PRKCH: variants seen among roughly 807,000 people sequenced by gnomAD.
PRKCH encodes the protein protein kinase C eta, also known as protein kinase C eta type.
A neutral mutation model predicts 82.5 loss-of-function variants in PRKCH; 28 were observed. That is an observed-to-expected ratio of 0.34 (90% CI 0.25 to 0.47). PRKCH has a LOEUF of 0.47. Ranked by LOEUF, PRKCH falls within the 20% of genes least tolerant of loss-of-function variation. PRKCH has a pLI of 1.00. For synonymous variants in PRKCH, 322 were observed against 327.4 expected, an observed-to-expected ratio of 0.98 and a Z score of 0.18; for missense variants, 705 against 881.8, an observed-to-expected ratio of 0.80 and a Z score of 2.54.
chr14:61,275,859 A>G (rs1368266151), intron 1 of PRKCH, among the ~76,000 whole-genome samples: 1 of 152,222 alleles, frequency 6.6e-6, no homozygotes, highest in African/African-American at 2.4e-5. Context: ...GAACTCGGAC[A>G]GCAAAGTACA....
At chr14:61,501,300 A>G (rs1240352557) in intron 10 of PRKCH, among the ~76,000 whole-genome samples, 1 of 152,172 alleles carries the variant, frequency 6.6e-6, no homozygotes, top group Non-Finnish European at 1.5e-5. Flanking sequence ...TTGTTGAATA[A>G]ATTATGGTTA....
chr14:61,469,898 A>G (rs1330752964), intron 9 of PRKCH, among the ~76,000 whole-genome samples: 4 of 152,076 alleles, frequency 2.6e-5, no homozygotes, highest in Non-Finnish European at 5.9e-5. Flanking sequence ...TCAAGCCTTG[A>G]GGACGCAGCA....
At chr14:61,194,124 A>G (rs1289606150) in intron 1 of PRKCH, among the ~76,000 whole-genome samples, 3 of 151,886 alleles carry the variant, frequency 2.0e-5, no homozygotes, top group African/African-American at 4.8e-5. Context: ...CCTACTCTCT[A>G]TTTGCTTGTT....
chr14:61,230,597 C>A (rs1413470577), intron 1 of PRKCH, among the ~76,000 whole-genome samples: 1 of 152,148 alleles, frequency 6.6e-6, no homozygotes, highest in Non-Finnish European at 1.5e-5. Flanking sequence ...TTCAGATGTA[C>A]AAATCAAATG....
At chr14:61,347,689 C>G (rs774866404) in intron 1 of PRKCH, among the ~76,000 whole-genome samples, 3 of 152,186 alleles carry the variant, frequency 2.0e-5, no homozygotes, top group Non-Finnish European at 4.4e-5. Flanking sequence ...CTAATGATGC[C>G]TCTCTCTTTT....
In PRKCH at chr14:61,281,508, C is replaced by T. The variant is rs550964300; in HGVS notation, c.-19+93840C>T. On this transcript the variant is annotated intron_variant, in intron 1 of 3. Coordinates refer to the PRKCH transcript ENST00000555185. ...AGTCCAGGTCATCGGACTCCACCTC[C>T]TCTCCTAGGTGAGTGGCGGCCCCGG... 3.8e-4 allele frequency: 68 copies of T among 180,746 alleles called. 3 individuals are homozygous for T. In the East Asian group the frequency reaches 0.012, roughly 31 times the overall value. The allele number at this position is 180,746 out of a possible 1,614,324, so 11.2% of individuals were successfully genotyped here. A position where few individuals can be genotyped will look rare whatever the true frequency, so the allele number is the denominator to read the frequency against.
intron 12 of PRKCH, among the ~76,000 whole-genome samples, chr14:61,541,744 C>T (rs528911385): frequency 6.6e-6 from 1 of 152,270 alleles, no homozygotes; most frequent in South Asian, 2.1e-4. Context: ...TACTTGTGGC[C>T]ATTACTTATA....
At chr14:61,327,631 T>C (rs560748194) in intron 1 of PRKCH, among the ~76,000 whole-genome samples, 92 of 152,352 alleles carry the variant, frequency 6.0e-4, no homozygotes, top group Middle Eastern at 3.4e-3. Flanking sequence ...TATCTTGTTG[T>C]CTTTCGTTGC....
intron 1 of PRKCH, among the ~76,000 whole-genome samples, chr14:61,264,842 G>A (rs2045083150): frequency 6.6e-6 from 1 of 152,156 alleles, no homozygotes; most frequent in African/African-American, 2.4e-5. Flanking sequence ...GAATTCCTTA[G>A]ATTTTGGCTA....
chr14:61,232,312 G>A lies in PRKCH; in HGVS notation c.-19+44644G>A, dbSNP rs574772598. Among the ~76,000 whole-genome samples, 13 of 152,252 alleles carry A rather than the reference G, an allele frequency of 8.5e-5. No individual in the cohort carries two copies. The South Asian group carries it at 2.3e-3, about 27-fold the overall frequency. Reference sequence around the variant, plus strand: ...ATGATCTCGGCTCACTGCAACCTACGCCTCCTGAGTTCAAACAATTCTTGT... The same window carrying A: ...ATGATCTCGGCTCACTGCAACCTACACCTCCTGAGTTCAAACAATTCTTGT... On this transcript the variant is annotated intron_variant, in intron 1 of 3. Coordinates refer to the PRKCH transcript ENST00000555185.
intron 1 of PRKCH, 47 bp downstream of exon 1, chr14:61,322,511 C>A: frequency 6.5e-7 from 1 of 1,545,488 alleles, no homozygotes; most frequent in East Asian, 2.3e-5. Context: ...AACCCCCGTT[C>A]CCCTTATGTT....
Position 61,532,833 on chromosome 14 carries a change from T to G in PRKCH, c.1761+2238T>G, listed in dbSNP as rs1274002722. ...GTGGAGACTGAGTTGTTCTCTCTCC[T>G]TGCAGGTTCACTTTTGGGAAGCTAC... is the stretch of plus-strand genomic sequence containing the variant. On this transcript the variant is annotated intron_variant, in intron 12 of 13. Coordinates refer to ENST00000332981, the MANE Select transcript of PRKCH (RefSeq NM_006255.5). Among the ~76,000 whole-genome samples the G allele has an allele frequency of 5.9e-5, 9 of 152,368 alleles. No individual in the cohort carries two copies. The East Asian group carries it at 1.7e-3, about 29-fold the overall frequency.
intron 10 of PRKCH, among the ~76,000 whole-genome samples, chr14:61,505,232 G>C (rs1119016): frequency 0.9 from 136,509 of 152,014 alleles, 61,331 homozygotes; most frequent in East Asian, 0.95. Flanking sequence ...TTATTTCTCA[G>C]TGCTCTAAAG....
rs1439557693 is a variant in PRKCH, at chr14:61,482,960, C to A, written c.1279-2542C>A. Among the ~76,000 whole-genome samples the A allele has an allele frequency of 4.6e-5, 7 of 152,368 alleles. No homozygotes were observed. In the East Asian group the frequency reaches 1.3e-3, roughly 29 times the overall value. Reference sequence around the variant, plus strand: ...CACTTATAGCAGCCTAAGGAATGGCCACTTCCCCACTGACCCAGTTCCAGT... The same window carrying A: ...CACTTATAGCAGCCTAAGGAATGGCAACTTCCCCACTGACCCAGTTCCAGT... On this transcript the variant is annotated intron_variant, in intron 9 of 13. Transcript: ENST00000332981.
At chr14:61,302,268 A>G (rs2140104859) in intron 1 of PRKCH, among the ~76,000 whole-genome samples, 1 of 152,364 alleles carries the variant, frequency 6.6e-6, no homozygotes, top group Middle Eastern at 3.4e-3. Context: ...TAGGCTGTGA[A>G]GCATATAGCA....
At chr14:61,306,417 A>G (rs10873139) in intron 1 of PRKCH, 88,188 of 152,100 alleles carry the variant, frequency 0.58, 28,327 homozygotes, top group Non-Finnish European at 0.71. Flanking sequence ...CTAAACTTTT[A>G]TCTAGATTTC....
intron 1 of PRKCH, among the ~76,000 whole-genome samples, chr14:61,382,165 T>A (rs1384379154): frequency 6.6e-6 from 1 of 152,178 alleles, no homozygotes; most frequent in Non-Finnish European, 1.5e-5. Context: ...GCACAGTGGC[T>A]CACACCAGTA....
intron 1 of PRKCH, among the ~76,000 whole-genome samples, chr14:61,308,086 T>C (rs547498774): frequency 6.6e-6 from 1 of 152,314 alleles, no homozygotes; most frequent in African/African-American, 2.4e-5. Flanking sequence ...GTTATCCTCC[T>C]GCCTTGGTCT....
At chr14:61,471,138 A>G (rs1263588905) in intron 9 of PRKCH, among the ~76,000 whole-genome samples, 1 of 152,248 alleles carries the variant, frequency 6.6e-6, no homozygotes, top group Non-Finnish European at 1.5e-5. Flanking sequence ...CTGTCTATAG[A>G]AGGAGGCTAA....
Sources: allele counts gnomAD v4.1 joint callset (sites outside exome capture counted in the v4.1 genomes callset), GRCh38; gene constraint gnomAD v4.1.1; transcripts MANE v1.5; gene names NCBI Gene and HGNC (gene_info 2026-07-23, HGNC 2026-07-21).